The following PVT1 variants were observed in gnomAD, a reference collection of about 807,000 sequenced individuals.
The protein encoded by PVT1 is Pvt1 oncogene.
chr8:128,100,565 A>C (rs947782186), intron 6 of PVT1, among the ~76,000 whole-genome samples: 1 of 152,140 alleles, frequency 6.6e-6, no homozygotes, highest in African/African-American at 2.4e-5. Flanking sequence ...TGTTCTGACA[A>C]AGGCCTTGAG....
At chr8:128,003,606 T>TA (rs200492036) in intron 4 of PVT1, among the ~76,000 whole-genome samples, 1,690 of 152,364 alleles carry the variant, frequency 0.011, 14 homozygotes, top group Non-Finnish European at 0.019. Context: ...GTACTGGGAT[T>TA]ACGGGTGTGC....
chr8:127,905,634 T>G (rs527381825), intron 3 of PVT1, among the ~76,000 whole-genome samples: 29 of 151,436 alleles, frequency 1.9e-4, no homozygotes, highest in East Asian at 3.9e-4. Context: ...GACCTGTGGG[T>G]TTTTTTTTGA....
Position 128,087,476 on chromosome 8 carries a change from C to A in PVT1, n.1115-9042C>A, listed in dbSNP as rs189919130. ...GCATCTGGCAATAATGTGTCCCTCC[C>A]CCAGGCTGTTATGCGTGGCAGATTA... On this transcript the variant is annotated intron_variant and non_coding_transcript_variant, in intron 5 of 10. Transcript: ENST00000651587. Among the ~76,000 whole-genome samples the A allele has an allele frequency of 7.3e-3, 1,104 of 152,260 alleles. 18 individuals are homozygous for A. The highest frequency in any genetic ancestry group is 0.026 in the African/African-American group (1,075 of 41,534).
In PVT1 at chr8:127,984,915, TTCTTTCTCTTTC is replaced by T. The variant is rs1554602168; in HGVS notation, n.783-4239_783-4228del. ...TTTCTTTCTTTCTTTCTTTCTTTCT[TTCTTTCTCTTTC>T]TCTTTCTTTCTTTCTTTCCCCTTCC... is the stretch of plus-strand genomic sequence containing the variant. On this transcript the variant is annotated intron_variant and non_coding_transcript_variant, in intron 3 of 10. Transcript: ENST00000651587. Among the ~76,000 whole-genome samples, 373 of 57,378 alleles carry T rather than the reference TTCTTTCTCTTTC, an allele frequency of 6.5e-3. 10 individuals carry two copies. Among genetic ancestry groups the T allele is most frequent in the South Asian group, 0.021 (25 of 1,214 alleles). The allele number at this position is 57,378 out of a possible 152,430, so 37.6% of individuals were successfully genotyped here. A position where few individuals can be genotyped will look rare whatever the true frequency, so the allele number is the denominator to read the frequency against.
rs71300290 is a variant in PVT1 at position 128,003,161 on chromosome 8, C to CTTT, written n.912+13880_912+13882dup. 1.2e-4 allele frequency among the ~76,000 whole-genome samples: 16 copies of CTTT among 128,022 alleles called. 1 individual carries two copies. The highest frequency in any genetic ancestry group is 1.8e-4 in the Non-Finnish European group (11 of 62,398). 84.0% of individuals were successfully genotyped at this position (128,022 alleles called of 152,430 possible). A position where few individuals can be genotyped will look rare whatever the true frequency, so the allele number is the denominator to read the frequency against. Reference sequence around the variant, plus strand: ...GGACTACAGGCACCTACCACCACACCTTTTTTTTTTTTAGTAGAGACAGGA... The same window carrying CTTT: ...GGACTACAGGCACCTACCACCACACCTTTTTTTTTTTTTTTAGTAGAGACAGGA... On this transcript the variant is annotated intron_variant and non_coding_transcript_variant, in intron 4 of 10. Coordinates refer to ENST00000651587, the Ensembl canonical transcript of PVT1.
chr8:127,817,130 T>C (rs1007031668), intron 2 of PVT1, among the ~76,000 whole-genome samples: 1 of 151,938 alleles, frequency 6.6e-6, no homozygotes, highest in African/African-American at 2.4e-5. Context: ...TTCCTGGGAT[T>C]GTAGACTCTC....
At chr8:128,019,256 G>GA (rs1293381788) in intron 4 of PVT1, among the ~76,000 whole-genome samples, 20 of 152,244 alleles carry the variant, frequency 1.3e-4, no homozygotes, top group Admixed American at 5.2e-4. Context: ...GGAGATAATG[G>GA]AAAAAATTAA....
intron 3 of PVT1, among the ~76,000 whole-genome samples, chr8:127,977,662 G>A (rs1029981909): frequency 6.6e-6 from 1 of 152,148 alleles, no homozygotes; most frequent in Non-Finnish European, 1.5e-5. Context: ...TTGGACCCAG[G>A]AGGTGGAGGT....
At chr8:128,100,197 C>T (rs1162399939) in intron 6 of PVT1, among the ~76,000 whole-genome samples, 1 of 147,856 alleles carries the variant, frequency 6.8e-6, no homozygotes, top group African/African-American at 2.5e-5. Context: ...CTTCCCGAAA[C>T]AAATGCCTTG....
intron 3 of PVT1, among the ~76,000 whole-genome samples, chr8:127,891,816 G>A (rs977264492): frequency 7.2e-5 from 11 of 152,254 alleles, no homozygotes; most frequent in African/African-American, 2.7e-4. Context: ...CAGCCCATGG[G>A]AAGGCAGAGT....
chr8:127,804,696 AT>A (rs1814506175), intron 2 of PVT1, among the ~76,000 whole-genome samples: 2 of 146,538 alleles, frequency 1.4e-5, no homozygotes, highest in Non-Finnish European at 3.0e-5. Context: ...GCCCGGCTAA[AT>A]TTTTTTTCTT....
At chr8:127,983,289 C>A (rs558682170) in intron 3 of PVT1, among the ~76,000 whole-genome samples, 1 of 152,092 alleles carries the variant, frequency 6.6e-6, no homozygotes, top group East Asian at 1.9e-4. Context: ...TCTTCTTGGA[C>A]GGAGGTGGTG....
chr8:127,896,622 G>T (rs56245270), intron 3 of PVT1, among the ~76,000 whole-genome samples: 31,402 of 151,808 alleles, frequency 0.21, 3,353 homozygotes, highest in African/African-American at 0.26. Flanking sequence ...TATTATGTAT[G>T]TATTTATTTT....
At chr8:128,027,890 G>A (rs527991117) in intron 4 of PVT1, among the ~76,000 whole-genome samples, 2 of 152,308 alleles carry the variant, frequency 1.3e-5, no homozygotes, top group East Asian at 3.9e-4. Flanking sequence ...TCCTGCCAAG[G>A]CACAGCCTTC....
chr8:127,954,107 C>G (rs1236653752), intron 3 of PVT1, among the ~76,000 whole-genome samples: 1 of 152,084 alleles, frequency 6.6e-6, no homozygotes, highest in African/African-American at 2.4e-5. Context: ...AAAAACTTGC[C>G]TTTGAGGGTG....
intron 2 of PVT1, among the ~76,000 whole-genome samples, chr8:127,850,082 G>A (rs549851218): frequency 1.8e-4 from 28 of 152,258 alleles, no homozygotes; most frequent in African/African-American, 6.7e-4. Context: ...GCATATGCAT[G>A]GGTACACAGC....
intron 5 of PVT1, among the ~76,000 whole-genome samples, chr8:128,091,503 A>T (rs768359858): frequency 6.6e-6 from 1 of 152,110 alleles, no homozygotes; most frequent in African/African-American, 2.4e-5. Flanking sequence ...CTGGGGAGAT[A>T]ATGGGGCTCC....
chr8:128,061,894 T>A (rs549126922), intron 4 of PVT1, among the ~76,000 whole-genome samples: 5 of 152,302 alleles, frequency 3.3e-5, no homozygotes, highest in South Asian at 2.1e-4. Flanking sequence ...CCCGATTTTT[T>A]AAAAAAATGT....
chr8:127,899,118 G>A (rs1409991056), intron 3 of PVT1, among the ~76,000 whole-genome samples: 3 of 152,206 alleles, frequency 2.0e-5, no homozygotes, highest in Admixed American at 6.5e-5. Flanking sequence ...TTCCTGTTGC[G>A]TCTGCAGGGA....
Sources: gnomAD v4.1 joint callset for allele counts (sites outside exome capture counted in the v4.1 genomes callset) on GRCh38, gnomAD v4.1.1 for gene constraint, MANE v1.5 for transcripts, NCBI Gene and HGNC (gene_info 2026-07-23, HGNC 2026-07-21) for gene names.